The following SUGCT variants were observed in gnomAD, a reference collection of about 807,000 sequenced individuals.
The protein encoded by SUGCT is succinyl-CoA:glutarate CoA-transferase.
SUGCT carries 41 observed loss-of-function variants against 55.0 expected under a neutral mutation model. The observed-to-expected ratio is 0.74, with a 90% CI of 0.58 to 0.97. SUGCT has a LOEUF of 0.97. Among genes scored for constraint, SUGCT ranks in the 50% least tolerant of loss-of-function variants. The probability of loss-of-function intolerance (pLI) is 0.00; values close to 1 mark genes in which losing one functional copy is unlikely to be tolerated. For synonymous variants in SUGCT, 187 were observed against 200.4 expected (o/e 0.93, Z 0.56); for missense variants, 568 against 547.8 (o/e 1.04, Z -0.37).
At chr7:40,716,990 G>GA (rs367791790) in intron 12 of SUGCT, among the ~76,000 whole-genome samples, 8 of 150,044 alleles carry the variant, frequency 5.3e-5, no homozygotes, top group Non-Finnish European at 8.9e-5. Flanking sequence ...TAGAAAACTA[G>GA]AAAAAAAAAC....
In SUGCT at chr7:40,250,173, G is replaced by T. The variant is rs191046564; in HGVS notation, c.576+12447G>T. On this transcript the variant is annotated intron_variant, in intron 7 of 13. Transcript: ENST00000335693. ...GGCACTTTGGAAGGTTGAGGCAGGA[G>T]GATTGCTTCAGCTCAGGAGTTCGAG... 7.2e-5 allele frequency among the ~76,000 whole-genome samples: 11 copies of T among 152,210 alleles called. No homozygotes were observed. In the East Asian group the frequency reaches 2.1e-3, roughly 30 times the overall value.
chr7:40,296,612 CGTGT>C lies in SUGCT; in HGVS notation c.721-20109_721-20106del, dbSNP rs10528858. ...AGGGAGAGAGACAGAGTGAGTGACTCGTGTGTGTGTGTGTGTGTGTGTGTGTGTG... is the reference window on the plus strand; with the variant it reads ...AGGGAGAGAGACAGAGTGAGTGACTCGTGTGTGTGTGTGTGTGTGTGTGTG... On this transcript the variant is annotated intron_variant, in intron 8 of 13. Coordinates refer to ENST00000335693, the MANE Select transcript of SUGCT (RefSeq NM_001193313.2). Among the ~76,000 whole-genome samples the C allele has an allele frequency of 4.4e-3, 642 of 144,806 alleles. 1 individual carries two copies. Among genetic ancestry groups the C allele is most frequent in the South Asian group, 0.011 (50 of 4,370 alleles). 95.0% of individuals were successfully genotyped at this position (144,806 alleles called of 152,430 possible). A position where few individuals can be genotyped will look rare whatever the true frequency, so the allele number is the denominator to read the frequency against.
chr7:41,032,232 C>T, the SUGCT span, among the ~76,000 whole-genome samples: 1 of 151,922 alleles, frequency 6.6e-6, no homozygotes, highest in South Asian at 2.1e-4. Flanking sequence ...CTGCTGGTTA[C>T]CTACCTAGTA....
At chr7:40,795,943 T>A (rs1258614110) in intron 13 of SUGCT, among the ~76,000 whole-genome samples, 1 of 152,172 alleles carries the variant, frequency 6.6e-6, no homozygotes, top group African/African-American at 2.4e-5. Flanking sequence ...ATATGTGATC[T>A]TTTACTTGAA....
intron 12 of SUGCT, among the ~76,000 whole-genome samples, chr7:40,705,018 T>G (rs1785332424): frequency 1.3e-5 from 2 of 152,242 alleles, no homozygotes; most frequent in South Asian, 4.1e-4. Context: ...AATATTTGCC[T>G]TTTAATTTTA....
At chr7:40,714,722 C>T (rs1438226817) in intron 12 of SUGCT, among the ~76,000 whole-genome samples, 1 of 152,182 alleles carries the variant, frequency 6.6e-6, no homozygotes, top group Non-Finnish European at 1.5e-5. Flanking sequence ...GCAAATTTAA[C>T]TCTAGACATT....
At chr7:40,924,630 G>C in the SUGCT span, among the ~76,000 whole-genome samples, 7,870 of 152,196 alleles carry the variant, frequency 0.052, 308 homozygotes, top group East Asian at 0.16. Flanking sequence ...TCATCAGCAT[G>C]GATCCAAGGA....
intron 13 of SUGCT, among the ~76,000 whole-genome samples, chr7:40,791,774 A>G (rs1790322914): frequency 6.6e-6 from 1 of 152,194 alleles, no homozygotes; most frequent in African/African-American, 2.4e-5. Flanking sequence ...AAATAATCCA[A>G]AAATGTACTG....
At chr7:40,374,825 C>T (rs74984488) in intron 9 of SUGCT, among the ~76,000 whole-genome samples, 5,686 of 152,084 alleles carry the variant, frequency 0.037, 165 homozygotes, top group Non-Finnish European at 0.057. Context: ...CATATGTGGG[C>T]GTGAGTGCAG....
At chr7:40,174,496 G>T (rs1784828440) in intron 1 of SUGCT, among the ~76,000 whole-genome samples, 1 of 152,162 alleles carries the variant, frequency 6.6e-6, no homozygotes, top group African/African-American at 2.4e-5. Flanking sequence ...TTAGGTGCTG[G>T]ATGCAGTGGC....
At chr7:40,669,236 G>A (rs1164468881) in intron 12 of SUGCT, among the ~76,000 whole-genome samples, 1 of 151,540 alleles carries the variant, frequency 6.6e-6, no homozygotes, top group African/African-American at 2.4e-5. Flanking sequence ...ACTCTAACCT[G>A]CCAGTACAGG....
chr7:40,435,320 T>C (rs1788113356), intron 9 of SUGCT, among the ~76,000 whole-genome samples: 1 of 152,142 alleles, frequency 6.6e-6, no homozygotes, highest in South Asian at 2.1e-4. Context: ...TCCTTAAACT[T>C]GGGTGATCAT....
the SUGCT span, among the ~76,000 whole-genome samples, chr7:40,873,049 C>G: frequency 2.0e-5 from 3 of 152,172 alleles, no homozygotes; most frequent in Non-Finnish European, 4.4e-5. Flanking sequence ...TACCCTACCC[C>G]ACTGAAAACC....
At chr7:40,623,904 TC>T (rs1237519085) in intron 12 of SUGCT, among the ~76,000 whole-genome samples, 1 of 152,234 alleles carries the variant, frequency 6.6e-6, no homozygotes, top group Non-Finnish European at 1.5e-5. Flanking sequence ...GCCTCAAGAT[TC>T]TATGTCTCTC....
intron 12 of SUGCT, among the ~76,000 whole-genome samples, chr7:40,734,792 A>C (rs189630401): frequency 6.6e-6 from 1 of 152,300 alleles, no homozygotes; most frequent in East Asian, 1.9e-4. Flanking sequence ...GAGTAATAAG[A>C]AAAATGTTTG....
chr7:40,873,555 T>C, the SUGCT span, among the ~76,000 whole-genome samples: 3 of 152,228 alleles, frequency 2.0e-5, no homozygotes, highest in African/African-American at 7.2e-5. Flanking sequence ...GCTTCCTCCT[T>C]CTCACACTTC....
chr7:40,476,754 C>G (rs994996629), intron 11 of SUGCT, among the ~76,000 whole-genome samples: 3 of 151,026 alleles, frequency 2.0e-5, no homozygotes, highest in Non-Finnish European at 4.4e-5. Flanking sequence ...TATTACTGTA[C>G]AAATGGAATG....
At chr7:40,295,348 G>C (rs1794060179) in intron 8 of SUGCT, among the ~76,000 whole-genome samples, 1 of 152,314 alleles carries the variant, frequency 6.6e-6, no homozygotes, top group African/African-American at 2.4e-5. Flanking sequence ...GGTCAAGGCA[G>C]GCGGATCACC....
intron 12 of SUGCT, among the ~76,000 whole-genome samples, chr7:40,506,224 T>A (rs1015325261): frequency 1.3e-5 from 2 of 152,162 alleles, no homozygotes; most frequent in Non-Finnish European, 2.9e-5. Flanking sequence ...TGATCTGAGA[T>A]TGCCTTTAGT....
Sources: gnomAD v4.1 joint callset for allele counts (sites outside exome capture counted in the v4.1 genomes callset) on GRCh38, gnomAD v4.1.1 for gene constraint, MANE v1.5 for transcripts, NCBI Gene and HGNC (gene_info 2026-07-23, HGNC 2026-07-21) for gene names.